Variants in SNX29 observed in about 807,000 individuals in gnomAD.
SNX29 encodes sorting nexin 29.
A neutral mutation model predicts 102.1 loss-of-function variants in SNX29; 78 were observed. The observed-to-expected ratio is 0.76, with a 90% CI of 0.64 to 0.92. SNX29 has a LOEUF of 0.92. Among genes scored for constraint, SNX29 ranks in the 40% least tolerant of loss-of-function variants. The pLI is 0.00. For missense variants in SNX29, 1,280 were observed against 1,061.7 expected, an observed-to-expected ratio of 1.21 and a Z score of -2.86; for synonymous variants, 580 against 414.5, an observed-to-expected ratio of 1.40 and a Z score of -4.85.
chr16:12,214,286 C>T (rs1443412385), intron 14 of SNX29, among the ~76,000 whole-genome samples: 1 of 152,194 alleles, frequency 6.6e-6, no homozygotes, highest in Non-Finnish European at 1.5e-5. Context: ...GCCTCAGCTC[C>T]CTCCTCGGAA....
chr16:12,342,662 C>G (rs192773632), intron 15 of SNX29, among the ~76,000 whole-genome samples: 120 of 152,308 alleles, frequency 7.9e-4, no homozygotes, highest in African/African-American at 2.3e-3. Context: ...ACAACGCTAT[C>G]ATGTAAGAGC....
intron 15 of SNX29, among the ~76,000 whole-genome samples, chr16:12,296,978 G>C (rs1032568116): frequency 2.6e-5 from 4 of 152,212 alleles, no homozygotes; most frequent in African/African-American, 7.2e-5. Flanking sequence ...CTGCCCGCTA[G>C]ATGCTGGTGG....
At chr16:12,563,009 T>A (rs2141499062) in intron 20 of SNX29, among the ~76,000 whole-genome samples, 1 of 152,230 alleles carries the variant, frequency 6.6e-6, no homozygotes. Context: ...TCAATGCGCC[T>A]TTCAAACCGT....
chr16:12,549,754 C>T (rs931859056), intron 20 of SNX29, among the ~76,000 whole-genome samples: 3 of 152,212 alleles, frequency 2.0e-5, no homozygotes, highest in African/African-American at 7.2e-5. Flanking sequence ...TACTTTGAGA[C>T]CTGTTGGTGA....
intron 20 of SNX29, among the ~76,000 whole-genome samples, chr16:12,539,070 G>A (rs919114032): frequency 6.6e-6 from 1 of 152,106 alleles, no homozygotes; most frequent in East Asian, 1.9e-4. Flanking sequence ...TCTGGGATAG[G>A]GCCAAGTTTA....
chr16:12,537,655 G>A (rs971777971), intron 20 of SNX29, among the ~76,000 whole-genome samples: 1 of 152,096 alleles, frequency 6.6e-6, no homozygotes, highest in African/African-American at 2.4e-5. Context: ...ACAGTTGTTT[G>A]CCCTACTTCA....
rs370128328 is a variant in SNX29 at position 12,277,846 on chromosome 16, GAGAA to G, written c.1679-82_1679-79del. The G allele has an allele frequency of 3.2e-4, 376 of 1,181,840 alleles. 2 individuals carry two copies. In the African/African-American group the frequency reaches 5.3e-3, roughly 17 times the overall value. 73.2% of individuals were successfully genotyped at this position (1,181,840 alleles called of 1,614,324 possible). On this transcript the variant is annotated intron_variant, in intron 14 of 20. Coordinates refer to ENST00000566228, the MANE Select transcript of SNX29 (RefSeq NM_032167.5). The stretch of plus-strand genomic sequence containing the variant: ...GAGCTTTTTCAGTCTGAAGTCATCT[GAGAA>G]AGAAGAATTTTTTCTTTTTTTACTG...
At chr16:12,392,239 T>C (rs981295649) in intron 16 of SNX29, among the ~76,000 whole-genome samples, 1 of 152,250 alleles carries the variant, frequency 6.6e-6, no homozygotes, top group Admixed American at 6.5e-5. Flanking sequence ...ATGAGTGTGC[T>C]GTGTTTTATA....
At chr16:12,250,269 C>T (rs577786769) in intron 14 of SNX29, among the ~76,000 whole-genome samples, 9 of 152,278 alleles carry the variant, frequency 5.9e-5, no homozygotes, top group African/African-American at 1.9e-4. Flanking sequence ...AGAGCCCCTG[C>T]CCAGCTCTCA....
intron 8 of SNX29, among the ~76,000 whole-genome samples, chr16:12,055,108 A>G (rs2050465529): frequency 6.6e-6 from 1 of 152,046 alleles, no homozygotes; most frequent in African/African-American, 2.4e-5. Context: ...GGTGGGGCTG[A>G]GGCGGACGTT....
chr16:12,551,871 T>G (rs576190637), intron 20 of SNX29, among the ~76,000 whole-genome samples: 12 of 152,302 alleles, frequency 7.9e-5, no homozygotes, highest in African/African-American at 2.9e-4. Flanking sequence ...AGGTGATATT[T>G]CTAGCCTGTC....
chr16:12,406,772 G>A (rs1480911178), intron 18 of SNX29, among the ~76,000 whole-genome samples: 1 of 152,186 alleles, frequency 6.6e-6, no homozygotes, highest in African/African-American at 2.4e-5. Flanking sequence ...GCTGAGCGTT[G>A]CTGTTGCATG....
chr16:12,500,316 C>T (rs569768976), intron 19 of SNX29, among the ~76,000 whole-genome samples: 1 of 152,254 alleles, frequency 6.6e-6, no homozygotes, highest in East Asian at 1.9e-4. Context: ...GTGAAAGGTC[C>T]TTAGATAATG....
At chr16:12,550,833 G>A (rs78621541) in intron 20 of SNX29, among the ~76,000 whole-genome samples, 5,545 of 152,276 alleles carry the variant, frequency 0.036, 176 homozygotes, top group African/African-American at 0.082. Context: ...CCTTTTTACA[G>A]ATGATTTTTG....
intron 19 of SNX29, among the ~76,000 whole-genome samples, chr16:12,478,629 G>C (rs935785064): frequency 1.3e-5 from 2 of 152,194 alleles, no homozygotes; most frequent in East Asian, 1.9e-4. Context: ...CCTGGGTCTA[G>C]ACCGGGCTTG....
At chr16:12,486,702 C>T (rs150204085) in intron 19 of SNX29, among the ~76,000 whole-genome samples, 1 of 152,182 alleles carries the variant, frequency 6.6e-6, no homozygotes, top group Non-Finnish European at 1.5e-5. Flanking sequence ...CATTAACTCC[C>T]TAAGTCAACT....
chr16:12,279,856 G>A (rs1037825119), intron 15 of SNX29, among the ~76,000 whole-genome samples: 1 of 152,250 alleles, frequency 6.6e-6, no homozygotes, highest in African/African-American at 2.4e-5. Flanking sequence ...CAGAATGAAA[G>A]TGCAGGATGA....
intron 1 of SNX29, among the ~76,000 whole-genome samples, chr16:11,986,412 T>TA (rs1272777745): frequency 6.6e-6 from 1 of 151,184 alleles, no homozygotes; most frequent in Non-Finnish European, 1.5e-5. Context: ...AAAATGACAT[T>TA]AAAAACTATT....
intron 20 of SNX29, among the ~76,000 whole-genome samples, chr16:12,545,858 G>C (rs142723165): frequency 2.0e-5 from 3 of 152,262 alleles, no homozygotes; most frequent in Non-Finnish European, 2.9e-5. Flanking sequence ...ACCTCTCCTT[G>C]AGAGGGTGAG....
Sources: allele counts gnomAD v4.1 joint callset (sites outside exome capture counted in the v4.1 genomes callset), GRCh38; gene constraint gnomAD v4.1.1; transcripts MANE v1.5; gene names NCBI Gene and HGNC (gene_info 2026-07-23, HGNC 2026-07-21).